LYRM4: variants seen among roughly 807,000 people sequenced by gnomAD.
The protein encoded by LYRM4 is LYR motif-containing protein 4.
In LYRM4, 9 loss-of-function variants were observed where a neutral mutation model predicts 11.7. The observed-to-expected ratio is 0.77, with a 90% CI of 0.46 to 1.34. The LOEUF (loss-of-function observed/expected upper bound fraction) is 1.34, where lower values mean the gene tolerates loss of function less well. Ranked by LOEUF, LYRM4 falls within the 40% of genes most tolerant of loss-of-function variation. The pLI, the probability that LYRM4 is intolerant of heterozygous loss-of-function variation, is 0.00. For synonymous variants in LYRM4, 42 were observed against 40.4 expected, an observed-to-expected ratio of 1.04 and a Z score of -0.15; for missense variants, 133 against 112.5, an observed-to-expected ratio of 1.18 and a Z score of -0.82.
chr6:5,079,940 C>T, the LYRM4 span, among the ~76,000 whole-genome samples: 1 of 152,222 alleles, frequency 6.6e-6, no homozygotes, highest in Non-Finnish European at 1.5e-5. Flanking sequence ...ACAACAGTGG[C>T]TAAACTATTC....
chr6:5,220,147 C>A (rs1031067594), intron 1 of LYRM4, among the ~76,000 whole-genome samples: 3 of 152,190 alleles, frequency 2.0e-5, no homozygotes, highest in Non-Finnish European at 2.9e-5. Flanking sequence ...AAGGATTATA[C>A]TCTTTTCTGA....
chr6:5,222,380 T>G (rs1762629789), intron 1 of LYRM4, among the ~76,000 whole-genome samples: 1 of 152,232 alleles, frequency 6.6e-6, no homozygotes, highest in South Asian at 2.1e-4. Flanking sequence ...AATTACAATT[T>G]ATTCAAGAAA....
intron 2 of LYRM4, among the ~76,000 whole-genome samples, chr6:5,189,066 G>A (rs989405501): frequency 2.0e-5 from 3 of 152,150 alleles, no homozygotes; most frequent in Non-Finnish European, 4.4e-5. Context: ...TGGCTCCCAC[G>A]GTGCCTGACC....
At position 5,179,072 on chromosome 6, in the gene LYRM4, A is replaced by ATAC. The variant is rs1554135228; in HGVS notation, c.207+37545_207+37546insGTA. On this transcript the variant is annotated intron_variant, in intron 2 of 2. Coordinates refer to ENST00000330636, the MANE Select transcript of LYRM4 (RefSeq NM_020408.6). Reference sequence around the variant, plus strand: ...ACAAACAAACCAAAAAAACAAAAAAAAAAAAAAAAAAAAAAAAGAAAGAAA... The same window carrying ATAC: ...ACAAACAAACCAAAAAAACAAAAAAATACAAAAAAAAAAAAAAAAAGAAAGAAA... 7.4e-5 allele frequency among the ~76,000 whole-genome samples: 6 copies of ATAC among 81,472 alleles called. 1 individual carries two copies. The South Asian group carries it at 3.4e-3, about 46-fold the overall frequency. The allele number at this position is 81,472 out of a possible 152,430, so 53.4% of individuals were successfully genotyped here. A position where few individuals can be genotyped will look rare whatever the true frequency, so the allele number is the denominator to read the frequency against.
rs1401880219 is a variant in LYRM4 at position 5,108,737 on chromosome 6, G to C, written c.*686C>G. ...TGGGGCTCTCTCATTCACCAGGTGT[G>C]GGGAGGGGCTTGAGCCTGCATTTCC... On this transcript the variant is annotated 3_prime_UTR_variant, in exon 3 of 3. Transcript: ENST00000330636. 1.4e-5 allele frequency: 13 copies of C among 962,458 alleles called. No individual in the cohort carries two copies. Among genetic ancestry groups the C allele is most frequent in the African/African-American group, 1.8e-5 (1 of 56,774 alleles). 59.6% of individuals were successfully genotyped at this position (962,458 alleles called of 1,614,324 possible). A position where few individuals can be genotyped will look rare whatever the true frequency, so the allele number is the denominator to read the frequency against.
chr6:5,170,017 C>G (rs1759328694), intron 2 of LYRM4, among the ~76,000 whole-genome samples: 1 of 152,152 alleles, frequency 6.6e-6, no homozygotes, highest in South Asian at 2.1e-4. Flanking sequence ...GCTGACAGAG[C>G]TGAAGTGTCA....
intron 2 of LYRM4, among the ~76,000 whole-genome samples, chr6:5,156,673 T>C (rs568036153): frequency 6.3e-5 from 6 of 95,122 alleles, no homozygotes; most frequent in South Asian, 4.4e-4. Context: ...CTGTCTCAGA[T>C]TTGTTTTATG....
intron 2 of LYRM4, among the ~76,000 whole-genome samples, chr6:5,130,559 T>C (rs1763907279): frequency 6.6e-6 from 1 of 152,106 alleles, no homozygotes. Context: ...CAAAGAAATA[T>C]TGCCTAAGGG....
chr6:5,231,901 A>T (rs1763263878), intron 1 of LYRM4, among the ~76,000 whole-genome samples: 1 of 152,232 alleles, frequency 6.6e-6, no homozygotes, highest in African/African-American at 2.4e-5. Context: ...TTATTTCTAT[A>T]ACATCCCTGT....
intron 2 of LYRM4, among the ~76,000 whole-genome samples, chr6:5,207,092 T>C (rs1761744140): frequency 6.6e-6 from 1 of 152,188 alleles, no homozygotes; most frequent in South Asian, 2.1e-4. Context: ...GTAAGTGTTA[T>C]TAGGATTTAA....
At chr6:5,197,955 G>GAGA (rs753493102) in intron 2 of LYRM4, among the ~76,000 whole-genome samples, 78 of 152,214 alleles carry the variant, frequency 5.1e-4, no homozygotes, top group South Asian at 1.7e-3. Context: ...CGGATCACCT[G>GAGA]AGGTCAGGAG....
intron 2 of LYRM4, among the ~76,000 whole-genome samples, chr6:5,202,686 G>A (rs879465337): frequency 3.9e-5 from 6 of 152,212 alleles, no homozygotes; most frequent in Admixed American, 6.5e-5. Context: ...AAGTTCGTAT[G>A]TATGTCAGGG....
chr6:5,112,042 CAGGG>C (rs915841309), intron 2 of LYRM4, among the ~76,000 whole-genome samples: 6 of 152,164 alleles, frequency 3.9e-5, no homozygotes, highest in Non-Finnish European at 7.4e-5. Flanking sequence ...TCGTGGCAGA[CAGGG>C]AGGGGAGAAA....
intron 2 of LYRM4, among the ~76,000 whole-genome samples, chr6:5,170,627 ACTTT>A (rs1472769264): frequency 6.6e-6 from 1 of 152,056 alleles, no homozygotes; most frequent in Admixed American, 6.6e-5. Flanking sequence ...CAGCCTCGCG[ACTTT>A]CTTTCTTTTA....
the LYRM4 span, among the ~76,000 whole-genome samples, chr6:5,067,559 G>C: frequency 1.3e-5 from 2 of 152,198 alleles, no homozygotes; most frequent in African/African-American, 4.8e-5. Flanking sequence ...TGTCTTTTGT[G>C]ACTCAGCCTT....
the LYRM4 span, chr6:5,085,053 G>C: frequency 1.1e-5 from 2 of 181,504 alleles, no homozygotes; most frequent in Non-Finnish European, 2.3e-5. Context: ...CCCCCACTTC[G>C]AGGCACTCAA....
the LYRM4 span, among the ~76,000 whole-genome samples, chr6:5,077,980 G>C: frequency 6.6e-6 from 1 of 152,214 alleles, no homozygotes; most frequent in African/African-American, 2.4e-5. Flanking sequence ...AGAATGTAAA[G>C]TTTACATAAT....
intron 1 of LYRM4, among the ~76,000 whole-genome samples, chr6:5,219,709 T>C (rs1366174198): frequency 6.6e-6 from 1 of 152,144 alleles, no homozygotes; most frequent in East Asian, 1.9e-4. Flanking sequence ...CATTTGCTTT[T>C]TTTTTTTTCT....
At chr6:5,179,705 G>A (rs532014119) in intron 2 of LYRM4, among the ~76,000 whole-genome samples, 33 of 152,304 alleles carry the variant, frequency 2.2e-4, no homozygotes, top group African/African-American at 7.9e-4. Context: ...GTTTGCTACT[G>A]TGAAAATGCA....
Sources: allele counts gnomAD v4.1 joint callset (sites outside exome capture counted in the v4.1 genomes callset), GRCh38; gene constraint gnomAD v4.1.1; transcripts MANE v1.5; gene names NCBI Gene and HGNC (gene_info 2026-07-23, HGNC 2026-07-21).